Variants in HSPG2 observed in about 807,000 individuals in gnomAD.
HSPG2 encodes the protein heparan sulfate proteoglycan 2, also known as basement membrane-specific heparan sulfate proteoglycan core protein.
Under a neutral mutation model 526.6 loss-of-function variants are expected in HSPG2, and 278 were observed. The observed-to-expected ratio is 0.53, with a 90% CI of 0.48 to 0.58. HSPG2 has a LOEUF of 0.58. Ranked by LOEUF, HSPG2 falls within the 20% of genes least tolerant of loss-of-function variation. HSPG2 has a pLI of 0.00. For missense variants in HSPG2, 5,354 were observed against 6,099.5 expected (o/e 0.88, Z 4.07); for synonymous variants, 2,465 against 2,555.4 (o/e 0.96, Z 1.07).
At chr1:21,841,782 G>A (rs2098049570) in intron 69 of HSPG2, 109 bp from the exon 70 acceptor site, 2 of 1,444,684 alleles carry the variant, frequency 1.4e-6, no homozygotes, top group Non-Finnish European at 1.9e-6. Context: ...CTCCGGCCTG[G>A]GTGTGTCTAG....
chr1:21,934,173 C>G (rs896138379), intron 1 of HSPG2, among the ~76,000 whole-genome samples: 1 of 152,236 alleles, frequency 6.6e-6, no homozygotes, highest in African/African-American at 2.4e-5. Context: ...GTGGTCCTGT[C>G]CCCCGTCCCG....
intron 1 of HSPG2, among the ~76,000 whole-genome samples, chr1:21,923,586 C>A (rs1644105196): frequency 6.6e-6 from 1 of 152,166 alleles, no homozygotes; most frequent in Admixed American, 6.5e-5. Flanking sequence ...CCCACAGGCT[C>A]ACTGCAAGGG....
rs1638638159 is a variant in HSPG2, at chr1:21,848,584, T to TC, written c.7737+58dup. Reference sequence around the variant, plus strand: ...AGAGTGAGGTGCTGAGAGTCCCCCCTCTTCCCATTGGGGGCTGGTGTGCCC... The same window carrying TC: ...AGAGTGAGGTGCTGAGAGTCCCCCCTCCTTCCCATTGGGGGCTGGTGTGCCC... On this transcript the variant is annotated intron_variant, in intron 59 of 96. Coordinates refer to ENST00000374695, the MANE Select transcript of HSPG2 (RefSeq NM_005529.7). This position sits in a 1 kb window ranked among gnomAD's most constrained non-coding sequence, Gnocchi z 4.9. 6.3e-5 allele frequency: 100 copies of TC among 1,579,240 alleles called. No homozygotes were observed. Among genetic ancestry groups the TC allele is most frequent in the Non-Finnish European group, 8.6e-5 (99 of 1,150,400 alleles).
At chr1:21,879,495 T>C (rs1306248355) in intron 17 of HSPG2, among the ~76,000 whole-genome samples, 1 of 152,208 alleles carries the variant, frequency 6.6e-6, no homozygotes, top group Non-Finnish European at 1.5e-5. Flanking sequence ...ATCCCAGCTC[T>C]CGCCACTATT....
chr1:21,836,954 G>C lies in HSPG2; in HGVS notation c.10203C>G (p.Thr3401=), dbSNP rs377372694. Residue 3401 remains threonine (T), a synonymous_variant, in exon 75 of 97, where the codon ACC becomes ACG. Coordinates refer to ENST00000374695, the MANE Select transcript of HSPG2 (RefSeq NM_005529.7). ...ATSIPAGSTP[T]VQVTPQLETK... ...TCTCTAGCTGAGGCGTGACCTGCAC[G>C]GTGGGCGTGGACCCTGCTGGGATGG... 2 of 1,555,316 alleles carry C rather than the reference G, an allele frequency of 1.3e-6. No homozygotes were observed. Among genetic ancestry groups the C allele is most frequent in the African/African-American group, 1.4e-5 (1 of 73,260 alleles).
Position 21,872,068 on chromosome 1 carries a change from C to T in HSPG2, c.4221+118G>A. The T allele has an allele frequency of 1.8e-6, 2 of 1,117,310 alleles. No homozygotes were observed. The allele number at this position is 1,117,310 out of a possible 1,614,324, so 69.2% of individuals were successfully genotyped here. A position where few individuals can be genotyped will look rare whatever the true frequency, so the allele number is the denominator to read the frequency against. On this transcript the variant is annotated intron_variant, in intron 33 of 96. Coordinates refer to ENST00000374695, the MANE Select transcript of HSPG2 (RefSeq NM_005529.7). The surrounding 1 kb of genome is among the most constrained non-coding windows in gnomAD (Gnocchi z 5.5). Reference sequence around the variant, plus strand: ...ACCAATGTCTATGGGACTGCAAAAGCCACGTGCCTAACCACGATATGGCCA... The same window carrying T: ...ACCAATGTCTATGGGACTGCAAAAGTCACGTGCCTAACCACGATATGGCCA...
chr1:21,898,170 G>A lies in HSPG2; in HGVS notation c.64-1860C>T, dbSNP rs1642881491. Among the ~76,000 whole-genome samples the A allele has an allele frequency of 6.6e-6, 1 of 152,212 alleles. No individual in the cohort carries two copies. The highest frequency in any genetic ancestry group is 2.1e-4 in the South Asian group (1 of 4,830). On this transcript the variant is annotated intron_variant, in intron 1 of 96. Transcript: ENST00000374695. This position sits in a 1 kb window ranked among gnomAD's most constrained non-coding sequence, Gnocchi z 4.0. ...TTGGGGAGGCACTACCTACCTCTGT[G>A]CAATCTATAAGCATCTCCTGTCCTA...
chr1:21,865,061 G>A lies in HSPG2; in HGVS notation c.4408C>T (p.Arg1470Trp), dbSNP rs62642524. ...EIMFREEFWR[R>W]PDGQPATREH... Reference sequence around the variant, plus strand: ...CGTGTGGCCGGCTGCCCATCGGGCCGGCGCCAGAATTCCTGGGTTGGGGGT... The same window carrying A: ...CGTGTGGCCGGCTGCCCATCGGGCCAGCGCCAGAATTCCTGGGTTGGGGGT... The change falls in exon 36 of 97, where the codon CGG becomes TGG. Residue 1470 changes from arginine to tryptophan, a missense_variant. Physicochemically the swap from Arg to Trp is moderately radical, Grantham distance 101. Coordinates refer to ENST00000374695, the MANE Select transcript of HSPG2 (RefSeq NM_005529.7). The surrounding 1 kb of genome is among the most constrained non-coding windows in gnomAD (Gnocchi z 5.4). 14 of 1,563,202 alleles carry A rather than the reference G, an allele frequency of 9.0e-6. No homozygotes were observed. Among genetic ancestry groups the A allele is most frequent in the African/African-American group, 2.7e-5 (2 of 73,702 alleles).
intron 29 of HSPG2, among the ~76,000 whole-genome samples, 176 bp from the exon 30 acceptor site, chr1:21,873,600 G>GC (rs990447089): frequency 3.3e-5 from 5 of 152,190 alleles, no homozygotes. Flanking sequence ...GCCCTGGACC[G>GC]CACAGCCAGT....
Position 21,839,193 on chromosome 1 carries a change from G to T in HSPG2, c.9890-108C>A. ...AGCTGAATGGTGAGCCCAGAGGACT[G>T]GGGATAAGGAAAGCAAAGGTCCCAG... On this transcript the variant is annotated intron_variant, in intron 73 of 96. Transcript: ENST00000374695. This position sits in a 1 kb window ranked among gnomAD's most constrained non-coding sequence, Gnocchi z 4.5. 1 of 1,482,146 alleles carries T rather than the reference G, an allele frequency of 6.7e-7. No homozygotes were observed. The highest frequency in any genetic ancestry group is 9.2e-7 in the Non-Finnish European group (1 of 1,091,996). The allele number at this position is 1,482,146 out of a possible 1,614,324, so 91.8% of individuals were successfully genotyped here.
At chr1:21,849,913 C>T (rs1638752135) in intron 57 of HSPG2, 128 bp downstream of exon 57, 19 of 1,153,858 alleles carry the variant, frequency 1.6e-5, no homozygotes, top group East Asian at 2.4e-5. Flanking sequence ...CTCCTGACCT[C>T]GTGATCTTCC....
chr1:21,833,561 C>T lies in HSPG2; in HGVS notation c.10884G>A (p.Leu3628=). 6.2e-7 allele frequency: 1 copy of T among 1,614,164 alleles called. No homozygotes were observed. The highest frequency in any genetic ancestry group is 8.5e-7 in the Non-Finnish European group (1 of 1,180,016). Residue 3628 remains leucine, a synonymous_variant, in exon 79 of 97, where the codon CTG becomes CTA. Coordinates refer to ENST00000374695, the MANE Select transcript of HSPG2 (RefSeq NM_005529.7). ...CTGCGTCCTGGGGTCGGACTGAGGG[C>T]AGCATCAGCATGTTGTTCTCCAGGC... ...DSRLENNMLM[L]PSVRPQDAGT... is the part of the protein sequence containing the mutation.
chr1:21,930,711 T>C (rs1384185320), intron 1 of HSPG2, among the ~76,000 whole-genome samples: 1 of 151,706 alleles, frequency 6.6e-6, no homozygotes, highest in Non-Finnish European at 1.5e-5. Context: ...GGGGCAGAGA[T>C]TGCAGTGCGG....
chr1:21,839,780 A>G lies in HSPG2; in HGVS notation c.9709+42T>C, dbSNP rs771221441. ...GTGTCTACATTTCAGACCCCAGGGC[A>G]TCCCTGCCCTGCCAGCCCTATGTGC... On this transcript the variant is annotated intron_variant, in intron 72 of 96. Transcript: ENST00000374695. The surrounding 1 kb of genome is among the most constrained non-coding windows in gnomAD (Gnocchi z 4.5). 1 of 1,603,794 alleles carries G rather than the reference A, an allele frequency of 6.2e-7. No individual in the cohort carries two copies. Among genetic ancestry groups the G allele is most frequent in the Non-Finnish European group, 8.5e-7 (1 of 1,174,282 alleles).
chr1:21,839,596 G>C lies in HSPG2; in HGVS notation c.9710-46C>G. The C allele has an allele frequency of 6.2e-7, 1 of 1,603,806 alleles. No homozygotes were observed. Among genetic ancestry groups the C allele is most frequent in the Non-Finnish European group, 8.5e-7 (1 of 1,173,966 alleles). Reference sequence around the variant, plus strand: ...TGACAGAAGTCACTGGGCTACCTCAGGGACCCGCAGAGGGTGGCCATGGTG... The same window carrying C: ...TGACAGAAGTCACTGGGCTACCTCACGGACCCGCAGAGGGTGGCCATGGTG... On this transcript the variant is annotated intron_variant, in intron 72 of 96. Transcript: ENST00000374695. This position sits in a 1 kb window ranked among gnomAD's most constrained non-coding sequence, Gnocchi z 4.5.
chr1:21,884,535 G>A lies in HSPG2; in HGVS notation c.1647C>T (p.Asp549=), dbSNP rs1487960093. 1 of 1,611,220 alleles carries A rather than the reference G, an allele frequency of 6.2e-7. No homozygotes were observed. The highest frequency in any genetic ancestry group is 1.1e-5 in the South Asian group (1 of 91,000). ...QIRLRFDQPD[D]FKGVNVTMPA... is the part of the protein sequence containing the mutation. ...ACCCGCCCGCCAACGCACCCTTGAA[G>A]TCATCGGGTTGGTCAAAGCGCAGCC... Residue 549 remains aspartate (D), a synonymous_variant, in exon 13 of 97, where the codon GAC becomes GAT. Transcript: ENST00000374695.
chr1:21,830,439 C>A (rs1232240402), intron 85 of HSPG2: 3 of 354,362 alleles, frequency 8.5e-6, no homozygotes, highest in Non-Finnish European at 1.6e-5. Flanking sequence ...GTAATCCCAG[C>A]ACTTTGGGAG....
rs1045124122 is a variant in HSPG2, at chr1:21,889,285, G to GA, written c.574+695dup. Among the ~76,000 whole-genome samples, 8 of 151,878 alleles carry GA rather than the reference G, an allele frequency of 5.3e-5. No homozygotes were observed. The South Asian group carries it at 1.0e-3, about 20-fold the overall frequency. ...ATGAACTAGGGCTGTTCGGTCTAGA[G>GA]AAAAAAAAGAGACTCAGGAGGTTAA... is the stretch of plus-strand genomic sequence containing the variant. On this transcript the variant is annotated intron_variant, in intron 6 of 96. Transcript: ENST00000374695.
intron 1 of HSPG2, among the ~76,000 whole-genome samples, chr1:21,910,357 G>A (rs1232020950): frequency 1.3e-5 from 2 of 152,216 alleles, no homozygotes; most frequent in South Asian, 2.1e-4. Context: ...GGCCCTGTAA[G>A]ATTCAGCACA....
Sources: allele counts gnomAD v4.1 joint callset (sites outside exome capture counted in the v4.1 genomes callset), GRCh38; gene constraint gnomAD v4.1.1; non-coding constraint Gnocchi (gnomAD v3.1); transcripts MANE v1.5; gene names NCBI Gene and HGNC (gene_info 2026-07-23, HGNC 2026-07-21).